The following TMTC1 variants were observed in gnomAD, a reference collection of about 807,000 sequenced individuals.
The protein encoded by TMTC1 is protein O-mannosyl-transferase TMTC1.
Under a neutral mutation model 104.8 loss-of-function variants are expected in TMTC1, and 73 were observed. That is an observed-to-expected ratio of 0.70 (90% confidence interval 0.58 to 0.85). The LOEUF (loss-of-function observed/expected upper bound fraction) is 0.85. TMTC1 is among the 40% of genes least tolerant of loss of function. TMTC1 has a pLI of 0.00. For missense variants in TMTC1, 1,035 were observed against 1,096.1 expected, an observed-to-expected ratio of 0.94 and a Z score of 0.79; for synonymous variants, 434 against 428.7, an observed-to-expected ratio of 1.01 and a Z score of -0.15.
chr12:29,685,378 A>C (rs1231627559), intron 5 of TMTC1, among the ~76,000 whole-genome samples: 1 of 152,052 alleles, frequency 6.6e-6, no homozygotes, highest in Non-Finnish European at 1.5e-5. Context: ...AAAAAAAAAA[A>C]AACTTTCCAG....
intron 9 of TMTC1, among the ~76,000 whole-genome samples, chr12:29,560,297 A>C (rs1244659520): frequency 6.6e-6 from 1 of 152,090 alleles, no homozygotes; most frequent in Non-Finnish European, 1.5e-5. Context: ...CACTCACTGG[A>C]TTTTCTTTCT....
chr12:29,604,874 A>G (rs1210884028), intron 6 of TMTC1, among the ~76,000 whole-genome samples: 1 of 152,334 alleles, frequency 6.6e-6, no homozygotes, highest in East Asian at 1.9e-4. Context: ...CTGGCAAGCG[A>G]GTATTTACTC....
At chr12:29,674,605 G>A (rs1173206820) in intron 5 of TMTC1, among the ~76,000 whole-genome samples, 1 of 152,190 alleles carries the variant, frequency 6.6e-6, no homozygotes, top group East Asian at 1.9e-4. Flanking sequence ...GACTCCTTTA[G>A]TTCAGCTGTA....
intron 6 of TMTC1, among the ~76,000 whole-genome samples, chr12:29,625,981 G>A (rs1937969301): frequency 6.6e-6 from 1 of 152,194 alleles, no homozygotes; most frequent in African/African-American, 2.4e-5. Context: ...TCATGCGGCT[G>A]TTGAGCACAG....
chr12:29,660,880 A>G (rs2136641818), intron 5 of TMTC1: 2 of 1,499,136 alleles, frequency 1.3e-6, no homozygotes, highest in Non-Finnish European at 1.8e-6. Flanking sequence ...GCTTGCTCTC[A>G]GATACCTAAA....
intron 5 of TMTC1, among the ~76,000 whole-genome samples, chr12:29,707,408 T>C (rs896160901): frequency 6.6e-6 from 1 of 152,160 alleles, no homozygotes; most frequent in African/African-American, 2.4e-5. Context: ...CCTTCAACCC[T>C]TGTGTCCATC....
intron 5 of TMTC1, among the ~76,000 whole-genome samples, chr12:29,634,582 G>A (rs1334304479): frequency 6.6e-6 from 1 of 152,172 alleles, no homozygotes; most frequent in East Asian, 1.9e-4. Context: ...TGAAATCGGT[G>A]TTCACTGCTT....
chr12:29,717,822 A>T (rs1942127979), intron 5 of TMTC1, among the ~76,000 whole-genome samples: 1 of 152,196 alleles, frequency 6.6e-6, no homozygotes, highest in South Asian at 2.1e-4. Context: ...CATGCACATC[A>T]TTATAACTAA....
chr12:29,765,417 AC>A (rs898809754), intron 2 of TMTC1, among the ~76,000 whole-genome samples: 8 of 152,050 alleles, frequency 5.3e-5, no homozygotes, highest in Admixed American at 4.6e-4. Context: ...GACACTTCAT[AC>A]CCTTTCTCCT....
At chr12:29,592,813 C>T (rs555985169) in intron 7 of TMTC1, among the ~76,000 whole-genome samples, 1 of 152,302 alleles carries the variant, frequency 6.6e-6, no homozygotes, top group South Asian at 2.1e-4. Flanking sequence ...TAACATTAAA[C>T]ATTATACTAT....
intron 10 of TMTC1, among the ~76,000 whole-genome samples, chr12:29,547,874 T>A (rs1944982336): frequency 6.6e-6 from 1 of 152,182 alleles, no homozygotes; most frequent in South Asian, 2.1e-4. Context: ...AGCAAAATAA[T>A]GCACTGTGAT....
At chr12:29,768,282 C>T (rs937319900) in intron 1 of TMTC1, among the ~76,000 whole-genome samples, 57 of 152,174 alleles carry the variant, frequency 3.7e-4, no homozygotes, top group African/African-American at 1.4e-3. Context: ...GAAATCCATG[C>T]ATATACAATA....
chr12:29,551,582 G>A (rs973721184), intron 10 of TMTC1, among the ~76,000 whole-genome samples: 16 of 152,100 alleles, frequency 1.1e-4, no homozygotes, highest in Non-Finnish European at 2.2e-4. Context: ...TGGCAATAAG[G>A]GAGGTATGAC....
intron 7 of TMTC1, among the ~76,000 whole-genome samples, chr12:29,600,626 G>A (rs116114013): frequency 0.011 from 1,737 of 152,222 alleles, 15 homozygotes; most frequent in Middle Eastern, 0.034. Context: ...GATTCCTCCC[G>A]TGTCAGTTTC....
intron 1 of TMTC1, among the ~76,000 whole-genome samples, chr12:29,777,220 G>A (rs576966883): frequency 1.3e-4 from 20 of 151,736 alleles, no homozygotes; most frequent in Non-Finnish European, 2.4e-4. Flanking sequence ...TCAGCCTCCC[G>A]AGCAGCTGGG....
At chr12:29,666,228 C>CTTTTTTTTTTTTTTTTTT (rs751968439) in intron 5 of TMTC1, 14 of 366,302 alleles carry the variant, frequency 3.8e-5, no homozygotes, top group East Asian at 8.0e-5. Flanking sequence ...TTTCTTTTTT[C>CTTTTTTTTTTTTTTTTTT]TTTTTTTTTT....
intron 16 of TMTC1, among the ~76,000 whole-genome samples, chr12:29,513,555 TC>T (rs1391160785): frequency 7.4e-4 from 112 of 152,264 alleles, no homozygotes; most frequent in African/African-American, 2.5e-3. Flanking sequence ...TATTTAAAAA[TC>T]CACTCACTTA....
intron 13 of TMTC1, 116 bp from the exon 14 acceptor site, chr12:29,517,687 T>G: frequency 1.7e-6 from 2 of 1,170,430 alleles, no homozygotes; most frequent in Non-Finnish European, 2.4e-6. Context: ...CAATACGGTC[T>G]TTGTTTTTAT....
chr12:29,523,888 T>A (rs779550044), intron 11 of TMTC1, among the ~76,000 whole-genome samples: 14 of 152,154 alleles, frequency 9.2e-5, no homozygotes, highest in Admixed American at 2.0e-4. Context: ...TTTGGTCTGG[T>A]CTGCTGGGGC....
Sources: gnomAD v4.1 joint callset for allele counts (sites outside exome capture counted in the v4.1 genomes callset) on GRCh38, gnomAD v4.1.1 for gene constraint, MANE v1.5 for transcripts, NCBI Gene and HGNC (gene_info 2026-07-23, HGNC 2026-07-21) for gene names.